BAZ1A: variants seen among roughly 807,000 people sequenced by gnomAD.
BAZ1A encodes bromodomain adjacent to zinc finger domain protein 1A.
A neutral mutation model predicts 185.2 loss-of-function variants in BAZ1A; 50 were observed. The observed-to-expected ratio is 0.27, with a 90% CI of 0.22 to 0.34. BAZ1A has a LOEUF of 0.34. BAZ1A is among the 10% of genes least tolerant of loss of function. BAZ1A has a pLI of 1.00. For missense variants in BAZ1A, 1,356 were observed against 1,839.9 expected (o/e 0.74, Z 4.81); for synonymous variants, 571 against 615.6 (o/e 0.93, Z 1.07).
At chr14:34,801,325 T>C in intron 7 of BAZ1A, 132 bp from the exon 8 acceptor site, 1 of 660,168 alleles carries the variant, frequency 1.5e-6, no homozygotes, top group East Asian at 3.2e-5. Context: ...AAAGTCTCGC[T>C]CTATCCCCCA....
intron 4 of BAZ1A, among the ~76,000 whole-genome samples, chr14:34,821,499 CA>C (rs2042088636): frequency 6.6e-6 from 1 of 152,128 alleles, no homozygotes; most frequent in Admixed American, 6.5e-5. Context: ...ATTTATTACT[CA>C]AATTAGAGAA....
chr14:34,849,086 G>A (rs569569367), intron 3 of BAZ1A, among the ~76,000 whole-genome samples: 9 of 152,270 alleles, frequency 5.9e-5, no homozygotes, highest in African/African-American at 1.9e-4. Context: ...GCACAAGGCC[G>A]GTTGAAGACT....
intron 3 of BAZ1A, among the ~76,000 whole-genome samples, chr14:34,859,428 CAAAA>C (rs33993387): frequency 5.3e-5 from 7 of 130,872 alleles, no homozygotes; most frequent in Non-Finnish European, 3.2e-5. Context: ...CAGACCCTGT[CAAAA>C]AAAAAAAAAA....
chr14:34,844,345 A>G (rs1470515154), intron 3 of BAZ1A, among the ~76,000 whole-genome samples: 2 of 152,194 alleles, frequency 1.3e-5, no homozygotes, highest in African/African-American at 4.8e-5. Flanking sequence ...TGTACACTGA[A>G]AACTACTAAA....
At position 34,816,380 on chromosome 14, in the gene BAZ1A, G is replaced by A. The variant is rs116183483; in HGVS notation, c.537-5344C>T. Among the ~76,000 whole-genome samples the A allele has an allele frequency of 2.3e-3, 349 of 152,128 alleles. 1 individual carries two copies. Among genetic ancestry groups the A allele is most frequent in the African/African-American group, 7.8e-3 (323 of 41,514 alleles). ...GAGATTTATAGGCGTGAGCCACCAC[G>A]CCCAGCCCCAGATGTTTCTAAAATA... is the stretch of plus-strand genomic sequence containing the variant. On this transcript the variant is annotated intron_variant, in intron 4 of 26. Transcript: ENST00000360310.
chr14:34,764,973 T>C, intron 22 of BAZ1A, 40 bp from the exon 23 acceptor site: 5 of 1,613,476 alleles, frequency 3.1e-6, no homozygotes, highest in Non-Finnish European at 4.2e-6. Flanking sequence ...CATCTATTGC[T>C]CAAAATCTTA....
At chr14:34,807,115 T>C (rs1325861861) in intron 6 of BAZ1A, among the ~76,000 whole-genome samples, 1 of 149,238 alleles carries the variant, frequency 6.7e-6, no homozygotes, top group Non-Finnish European at 1.5e-5. Context: ...CATTGTTCTT[T>C]GAATCTGTCT....
Position 34,758,804 on chromosome 14 carries a change from T to A in BAZ1A, c.4286A>T (p.Gln1429Leu). 1 of 1,614,192 alleles carries A rather than the reference T, an allele frequency of 6.2e-7. No homozygotes were observed. The highest frequency in any genetic ancestry group is 8.5e-7 in the Non-Finnish European group (1 of 1,180,014). ...VTLGRRSSGR[Q>L]GGVHELSAFE... ...AGCAGACAATTCATGAACTCCTCCC[T>A]GTCGGCCAGAACTCCTTCGACCCAG... The change falls in exon 25 of 27, where the codon CAG becomes CTG. Residue 1429 changes from glutamine to leucine, a missense_variant. Gln to Leu is a moderately radical substitution (Grantham distance 113). Around this residue, in one of 7 missense-constraint regions of BAZ1A, gnomAD observed 309 missense variants for 355.3 expected, o/e 0.87. Transcript: ENST00000360310.
intron 3 of BAZ1A, among the ~76,000 whole-genome samples, chr14:34,832,349 T>G (rs1333361666): frequency 6.7e-6 from 1 of 149,722 alleles, no homozygotes; most frequent in East Asian, 2.0e-4. Flanking sequence ...TCCAAGAAAC[T>G]AAAGAAGAGG....
At chr14:34,838,042 T>TA (rs145350653) in intron 3 of BAZ1A, among the ~76,000 whole-genome samples, 8,733 of 152,252 alleles carry the variant, frequency 0.057, 464 homozygotes, top group Admixed American at 0.17. Context: ...AAACGATTGT[T>TA]ACAACAACAG....
chr14:34,840,338 G>A (rs977734937), intron 3 of BAZ1A, among the ~76,000 whole-genome samples: 8 of 151,954 alleles, frequency 5.3e-5, no homozygotes, highest in African/African-American at 1.2e-4. Flanking sequence ...GCATTATACC[G>A]GTGTTTTCTC....
At chr14:34,830,710 T>C (rs1287278781) in intron 3 of BAZ1A, among the ~76,000 whole-genome samples, 3 of 151,118 alleles carry the variant, frequency 2.0e-5, no homozygotes. Context: ...CAGTAGGGAG[T>C]AAATATAAAG....
intron 5 of BAZ1A, among the ~76,000 whole-genome samples, chr14:34,809,561 C>A (rs1384228034): frequency 6.7e-6 from 1 of 148,786 alleles, no homozygotes; most frequent in Non-Finnish European, 1.5e-5. Flanking sequence ...ATTACCATCT[C>A]TTTATTTAAA....
intron 4 of BAZ1A, among the ~76,000 whole-genome samples, chr14:34,821,810 C>A (rs2042094382): frequency 1.3e-5 from 2 of 151,688 alleles, no homozygotes; most frequent in African/African-American, 2.4e-5. Context: ...CATGGAGAAA[C>A]CCCATTTCTA....
chr14:34,807,841 C>T (rs1040950844), intron 5 of BAZ1A, among the ~76,000 whole-genome samples: 1 of 152,150 alleles, frequency 6.6e-6, no homozygotes, highest in Non-Finnish European at 1.5e-5. Context: ...CGCAGTGGCT[C>T]ACGCCTGTAA....
chr14:34,872,879 G>C (rs1377894156), intron 2 of BAZ1A, among the ~76,000 whole-genome samples: 3 of 111,424 alleles, frequency 2.7e-5, no homozygotes, highest in South Asian at 5.8e-4. Flanking sequence ...TTTTTTTATC[G>C]TAATTGTTAG....
chr14:34,826,179 A>C, intron 3 of BAZ1A, 23 bp from the exon 4 acceptor site: 1 of 1,603,136 alleles, frequency 6.2e-7, no homozygotes, highest in Non-Finnish European at 8.5e-7. Context: ...GATACATTTA[A>C]AAATGCAAAT....
chr14:34,800,830 C>T (rs193092654), intron 8 of BAZ1A, among the ~76,000 whole-genome samples: 3 of 152,174 alleles, frequency 2.0e-5, no homozygotes, highest in Admixed American at 2.0e-4. Flanking sequence ...GTTTGTAAGC[C>T]CTGGAAACTC....
At chr14:34,847,864 T>C (rs1389891984) in intron 3 of BAZ1A, among the ~76,000 whole-genome samples, 1 of 152,120 alleles carries the variant, frequency 6.6e-6, no homozygotes, top group Non-Finnish European at 1.5e-5. Flanking sequence ...GTGCAAATTT[T>C]CTCTCTCTTT....
Sources: gnomAD v4.1 joint callset for allele counts (sites outside exome capture counted in the v4.1 genomes callset) on GRCh38, gnomAD v4.1.1 for gene constraint, gnomAD v4.1.1 regional missense constraint, MANE v1.5 for transcripts, NCBI Gene and HGNC (gene_info 2026-07-23, HGNC 2026-07-21) for gene names.